GALK2: variants seen among roughly 807,000 people sequenced by gnomAD.
GALK2 encodes the protein N-acetylgalactosamine kinase.
Under a neutral mutation model 52.4 loss-of-function variants are expected in GALK2, and 36 were observed. That is an observed-to-expected ratio of 0.69 (90% CI 0.53 to 0.91). GALK2 has a LOEUF of 0.91. Ranked by LOEUF, GALK2 falls within the 40% of genes least tolerant of loss-of-function variation. The pLI, the probability that GALK2 is intolerant of heterozygous loss-of-function variation, is 0.00. For synonymous variants in GALK2, 176 were observed against 199.1 expected (o/e 0.88, Z 0.98); for missense variants, 579 against 559.1 (o/e 1.04, Z -0.36).
At chr15:49,342,650 T>G (rs1310704342) in intron 3 of GALK2, among the ~76,000 whole-genome samples, 1 of 152,176 alleles carries the variant, frequency 6.6e-6, no homozygotes, top group Non-Finnish European at 1.5e-5. Flanking sequence ...CAAGGGTGTT[T>G]CTGTGGTAGA....
intron 5 of GALK2, among the ~76,000 whole-genome samples, chr15:49,270,939 C>T (rs538348839): frequency 1.3e-5 from 2 of 152,180 alleles, no homozygotes; most frequent in South Asian, 2.1e-4. Context: ...CAGTTAGGAC[C>T]TCAAGAGTGG....
intron 3 of GALK2, chr15:49,225,308 A>C (rs577638318): frequency 2.2e-6 from 1 of 451,802 alleles, no homozygotes; most frequent in African/African-American, 2.0e-5. Flanking sequence ...AATCCCTGTT[A>C]CTGCTTCATG....
At chr15:49,270,601 C>G (rs1030115862) in intron 5 of GALK2, among the ~76,000 whole-genome samples, 6 of 152,130 alleles carry the variant, frequency 3.9e-5, no homozygotes, top group Non-Finnish European at 7.3e-5. Flanking sequence ...CTTGGAACAC[C>G]CTCAGCATTT....
chr15:49,164,548 A>G (rs2084756595), intron 1 of GALK2, among the ~76,000 whole-genome samples: 2 of 152,080 alleles, frequency 1.3e-5, no homozygotes, highest in Admixed American at 1.3e-4. Context: ...TGGGAGGCCA[A>G]GGCAGGTGGA....
intron 8 of GALK2, among the ~76,000 whole-genome samples, chr15:49,306,046 A>G (rs1426165323): frequency 6.6e-6 from 1 of 152,164 alleles, no homozygotes; most frequent in African/African-American, 2.4e-5. Flanking sequence ...TGCATTTTGG[A>G]AAGTTCAGGT....
At chr15:49,252,202 G>T (rs962256405) in intron 5 of GALK2, among the ~76,000 whole-genome samples, 1 of 152,076 alleles carries the variant, frequency 6.6e-6, no homozygotes, top group African/African-American at 2.4e-5. Context: ...GGAGGCAGAG[G>T]TTGCAGTGAG....
At chr15:49,224,054 G>A (rs1264972108) in intron 3 of GALK2, among the ~76,000 whole-genome samples, 1 of 152,000 alleles carries the variant, frequency 6.6e-6, no homozygotes, top group African/African-American at 2.4e-5. Context: ...GCCAGCATCT[G>A]TTTCTTGTTG....
chr15:49,165,826 G>A (rs535174218), upstream of GALK2, among the ~76,000 whole-genome samples: 2 of 143,608 alleles, frequency 1.4e-5, no homozygotes, highest in Non-Finnish European at 3.0e-5. Context: ...TTATTGAGAC[G>A]GAGTCTTGCT....
intron 8 of GALK2, among the ~76,000 whole-genome samples, chr15:49,292,755 C>G (rs763367543): frequency 1.3e-5 from 2 of 152,166 alleles, no homozygotes; most frequent in Non-Finnish European, 2.9e-5. Flanking sequence ...TGATTCCTGT[C>G]TTCCAGGGGC....
upstream of GALK2, among the ~76,000 whole-genome samples, chr15:49,169,827 GCAA>G (rs1266556350): frequency 6.6e-6 from 1 of 152,146 alleles, no homozygotes; most frequent in Admixed American, 6.5e-5. Flanking sequence ...CCGCAAAGAA[GCAA>G]TAGCTAAACA....
chr15:49,365,375 T>C lies in GALK2; in HGVS notation c.427-2116T>C. 3.1e-6 allele frequency: 4 copies of C among 1,281,204 alleles called. No individual in the cohort carries two copies. The South Asian group carries it at 3.6e-5, about 12-fold the overall frequency. 79.4% of individuals were successfully genotyped at this position (1,281,204 alleles called of 1,614,324 possible). A position where few individuals can be genotyped will look rare whatever the true frequency, so the allele number is the denominator to read the frequency against. ...AGCATAGGCAACTGTAGAGGAAACA[T>C]AGTATATATACGAAGAACCAGTCTA... On this transcript the variant is annotated intron_variant, in intron 3 of 3. Transcript: ENST00000558399.
chr15:49,340,349 G>A (rs769294598), intron 3 of GALK2, among the ~76,000 whole-genome samples: 12 of 152,152 alleles, frequency 7.9e-5, no homozygotes, highest in Admixed American at 3.9e-4. Flanking sequence ...GCTTCCCTTG[G>A]GTGGGAGAGG....
intron 3 of GALK2, 133 bp downstream of exon 3, chr15:49,217,446 C>G: frequency 1.2e-6 from 1 of 854,722 alleles, no homozygotes; most frequent in Non-Finnish European, 1.8e-6. Flanking sequence ...TAAAAAAATT[C>G]TAAGGCCATT....
intron 3 of GALK2, among the ~76,000 whole-genome samples, chr15:49,339,889 G>A (rs770460336): frequency 6.6e-6 from 1 of 152,074 alleles, no homozygotes; most frequent in African/African-American, 2.4e-5. Context: ...CACCCAGTTC[G>A]AACTTCCTGG....
chr15:49,298,701 A>T (rs928885891), intron 8 of GALK2, among the ~76,000 whole-genome samples: 1 of 152,068 alleles, frequency 6.6e-6, no homozygotes, highest in African/African-American at 2.4e-5. Context: ...TTATGTTGTG[A>T]ATCACACCTA....
intron 3 of GALK2, among the ~76,000 whole-genome samples, chr15:49,222,174 T>G (rs1165019227): frequency 6.6e-6 from 1 of 152,148 alleles, no homozygotes; most frequent in African/African-American, 2.4e-5. Flanking sequence ...TAAACAGCAT[T>G]TCTGGCTTAA....
intron 5 of GALK2, among the ~76,000 whole-genome samples, chr15:49,255,173 C>T (rs538137578): frequency 7.0e-6 from 1 of 143,036 alleles, no homozygotes; most frequent in South Asian, 2.3e-4. Flanking sequence ...CCAATTGTCT[C>T]AATAGTAATG....
intron 3 of GALK2, among the ~76,000 whole-genome samples, chr15:49,359,588 A>G (rs1384452615): frequency 5.0e-5 from 6 of 118,838 alleles, no homozygotes; most frequent in Non-Finnish European, 7.4e-5. Context: ...GTCAGGAAAC[A>G]ACAGGTGCTG....
At position 49,308,099 on chromosome 15, in the gene GALK2, T is replaced by G. The variant is rs1044487473; in HGVS notation, c.968-11505T>G. Reference sequence around the variant, plus strand: ...ACATTCCAGCTTCAATGAGGATTATTCAAGTGTTTTTCAATTATATTGCTT... The same window carrying G: ...ACATTCCAGCTTCAATGAGGATTATGCAAGTGTTTTTCAATTATATTGCTT... On this transcript the variant is annotated intron_variant, in intron 8 of 9. Coordinates refer to ENST00000560031, the MANE Select transcript of GALK2 (RefSeq NM_002044.4). Among the ~76,000 whole-genome samples, 3 of 152,208 alleles carry G rather than the reference T, an allele frequency of 2.0e-5. 1 individual carries two copies. The highest frequency in any genetic ancestry group is 2.0e-4 in the Admixed American group (3 of 15,280).
Sources: gnomAD v4.1 joint callset for allele counts (sites outside exome capture counted in the v4.1 genomes callset) on GRCh38, gnomAD v4.1.1 for gene constraint, MANE v1.5 for transcripts, NCBI Gene and HGNC (gene_info 2026-07-23, HGNC 2026-07-21) for gene names.